ADNP: variants seen among roughly 807,000 people sequenced by gnomAD.
The protein encoded by ADNP is activity-dependent neuroprotector homeobox protein.
ADNP carries 4 observed loss-of-function variants against 84.9 expected under a neutral mutation model. That is an observed-to-expected ratio of 0.05 (90% CI 0.02 to 0.11). The LOEUF (loss-of-function observed/expected upper bound fraction) is 0.11, where lower values mean the gene tolerates loss of function less well. Among genes scored for constraint, ADNP ranks in the 10% least tolerant of loss-of-function variants. The probability of loss-of-function intolerance (pLI) is 1.00; values close to 1 mark genes in which losing one functional copy is unlikely to be tolerated. For missense variants in ADNP, 1,132 were observed against 1,326.0 expected (o/e 0.85, Z 2.27); for synonymous variants, 554 against 468.1 (o/e 1.18, Z -2.37).
At chr20:50,930,653 G>A (rs111727802) in intron 1 of ADNP, among the ~76,000 whole-genome samples, 173 bp downstream of exon 1, 85 of 152,192 alleles carry the variant, frequency 5.6e-4, no homozygotes, top group African/African-American at 1.7e-3. Flanking sequence ...CCGGGACGGG[G>A]GACCCGTCGG....
At chr20:50,896,156 C>T (rs1357162286) in intron 5 of ADNP, among the ~76,000 whole-genome samples, 1 of 152,102 alleles carries the variant, frequency 6.6e-6, no homozygotes, top group East Asian at 1.9e-4. Context: ...ATCCAGGAGG[C>T]AGAGGTTGCA....
rs1984717423 is a variant in ADNP, at chr20:50,931,052, G to A, written c.-491C>T. ...CGGCGGGCGGCGGCGGCGTCGTCGA[G>A]CGGTGCAGACAAAGGAGGGGCGGAG... is the stretch of plus-strand genomic sequence containing the variant. On this transcript the variant is annotated 5_prime_UTR_variant, in exon 1 of 6. Transcript: ENST00000621696. The A allele has an allele frequency of 6.7e-6, 1 of 149,298 alleles. No homozygotes were observed. The highest frequency in any genetic ancestry group is 6.7e-5 in the Admixed American group (1 of 14,962). The allele number at this position is 149,298 out of a possible 1,614,324, so 9.2% of individuals were successfully genotyped here.
At position 50,889,425 on chromosome 20, in the gene ADNP, C is replaced by CT. The variant is rs978097066; in HGVS notation, c.*1979dup. On this transcript the variant is annotated 3_prime_UTR_variant, in exon 6 of 6. Coordinates refer to ENST00000621696, the MANE Select transcript of ADNP (RefSeq NM_001282531.3). ...TAAGTTTTGGCTGGTGCATGTAGAA[C>CT]TTATAATCTACCTGTATAACAACAG... 6.5e-6 allele frequency: 1 copy of CT among 153,836 alleles called. No homozygotes were observed. Among genetic ancestry groups the CT allele is most frequent in the African/African-American group, 2.4e-5 (1 of 41,548 alleles). The allele number at this position is 153,836 out of a possible 1,614,324, so 9.5% of individuals were successfully genotyped here. A position where few individuals can be genotyped will look rare whatever the true frequency, so the allele number is the denominator to read the frequency against.
At position 50,891,627 on chromosome 20, in the gene ADNP, C is replaced by T; in HGVS notation, c.3087G>A (p.Lys1029=). 6.2e-7 allele frequency: 1 copy of T among 1,614,168 alleles called. No homozygotes were observed. The highest frequency in any genetic ancestry group is 8.5e-7 in the Non-Finnish European group (1 of 1,180,044). ...CTTCAACTTTTCCATAGGAACTATTCTTCCATTTCAACTGCTCTCTGTCAC... is the reference window on the plus strand; with the variant it reads ...CTTCAACTTTTCCATAGGAACTATTTTTCCATTTCAACTGCTCTCTGTCAC... The part of the protein sequence containing the change: ...MQGDREQLKW[K]NSSYGKVEGF... Residue 1029 remains lysine (K), a synonymous_variant, in exon 6 of 6, where the codon AAG becomes AAA. Transcript: ENST00000621696.
At position 50,892,779 on chromosome 20, in the gene ADNP, C is replaced by G; in HGVS notation, c.1935G>C (p.Glu645Asp). ...ISDALAHHLRERHQVIQTVHP... is the reference protein window; with the variant it reads ...ISDALAHHLRDRHQVIQTVHP... ...GAACCGTCTGAATAACTTGGTGCCT[C>G]TCTCGTAAGTGATGTGCAAGTGCAT... Residue 645 changes from glutamate to aspartate, a missense_variant, in exon 6 of 6, where the codon GAG becomes GAC. Transcript: ENST00000621696. 1 of 1,614,230 alleles carries G rather than the reference C, an allele frequency of 6.2e-7. No individual in the cohort carries two copies.
intron 5 of ADNP, among the ~76,000 whole-genome samples, chr20:50,899,182 G>A (rs1981710660): frequency 6.6e-6 from 1 of 150,770 alleles, no homozygotes; most frequent in Admixed American, 6.6e-5. Flanking sequence ...AGTATGCAAG[G>A]ATTTTGGTAA....
rs929902627 is a variant in ADNP, at chr20:50,889,885, T to G, written c.*1520A>C. 2.5e-6 allele frequency: 1 copy of G among 398,206 alleles called. No individual in the cohort carries two copies. The highest frequency in any genetic ancestry group is 4.4e-6 in the Non-Finnish European group (1 of 225,980). The allele number at this position is 398,206 out of a possible 1,614,324, so 24.7% of individuals were successfully genotyped here. A position where few individuals can be genotyped will look rare whatever the true frequency, so the allele number is the denominator to read the frequency against. Reference sequence around the variant, plus strand: ...CCCTTAATAGCAAGAGGGCCAAGAGTGGCAAATAGAGGCAGAGCCGCCTGC... The same window carrying G: ...CCCTTAATAGCAAGAGGGCCAAGAGGGGCAAATAGAGGCAGAGCCGCCTGC... On this transcript the variant is annotated 3_prime_UTR_variant, in exon 6 of 6. Transcript: ENST00000621696.
At chr20:50,907,299 C>T (rs1256815678) in intron 2 of ADNP, among the ~76,000 whole-genome samples, 1 of 145,686 alleles carries the variant, frequency 6.9e-6, no homozygotes, top group Non-Finnish European at 1.5e-5. Context: ...GAGTTTTGCT[C>T]TTGTTGCCCA....
intron 2 of ADNP, among the ~76,000 whole-genome samples, chr20:50,915,654 TCTGA>T (rs1342695897): frequency 6.6e-6 from 1 of 152,126 alleles, no homozygotes; most frequent in East Asian, 1.9e-4. Context: ...AACACGTAAT[TCTGA>T]CTATCCAGGG....
In ADNP at chr20:50,892,097, C is replaced by T. The variant is rs147299402; in HGVS notation, c.2617G>A (p.Asp873Asn). 6.2e-7 allele frequency: 1 copy of T among 1,614,134 alleles called. No homozygotes were observed. The highest frequency in any genetic ancestry group is 8.5e-7 in the Non-Finnish European group (1 of 1,180,026). ...TTTTCAAAACTGTCTGAGGAACTGT[C>T]ATCTTCCTTCCCAAGGTTGAGCTTT... is the stretch of plus-strand genomic sequence containing the variant. ...DKKLNLGKED[D>N]SSSDSFENLE... is the part of the protein sequence containing the mutation. The change falls in exon 6 of 6, where the codon GAC becomes AAC. Residue 873 changes from aspartate to asparagine, a missense_variant. By Grantham distance (23) the Asp-to-Asn change is conservative. Around this residue, in one of 10 missense-constraint regions of ADNP, gnomAD observed 381 missense variants for 319.9 expected, o/e 1.19. Coordinates refer to ENST00000621696, the MANE Select transcript of ADNP (RefSeq NM_001282531.3).
rs928897609 is a variant in ADNP, at chr20:50,931,175, C to G, written c.-614G>C. 1.4e-5 allele frequency: 2 copies of G among 147,580 alleles called. No individual in the cohort carries two copies. Among genetic ancestry groups the G allele is most frequent in the Non-Finnish European group, 3.0e-5 (2 of 66,826 alleles). 9.1% of individuals were successfully genotyped at this position (147,580 alleles called of 1,614,324 possible). On this transcript the variant is annotated 5_prime_UTR_variant, in exon 1 of 6. Coordinates refer to ENST00000621696, the MANE Select transcript of ADNP (RefSeq NM_001282531.3). ...CAGCAGCGGGGACCGAGAGAGGGAG[C>G]TGTGTCTGAGAAGACGCCAAAATCC...
intron 2 of ADNP, chr20:50,914,132 A>G: frequency 1.3e-6 from 1 of 770,496 alleles, no homozygotes; most frequent in Non-Finnish European, 2.3e-6. Context: ...GATGGTAAGG[A>G]TCATTATGAG....
At chr20:50,911,717 GA>G in intron 2 of ADNP, among the ~76,000 whole-genome samples, 1 of 151,592 alleles carries the variant, frequency 6.6e-6, no homozygotes, top group East Asian at 1.9e-4. Flanking sequence ...TTTACGGGCA[GA>G]AAAAAAGCAG....
intron 2 of ADNP, among the ~76,000 whole-genome samples, chr20:50,919,291 G>GTATATATATATATA (rs199569280): frequency 9.2e-4 from 71 of 77,200 alleles, no homozygotes; most frequent in African/African-American, 3.3e-3. Context: ...ATATTTAAGT[G>GTATATATATATATA]TATATATATA....
intron 2 of ADNP, among the ~76,000 whole-genome samples, chr20:50,906,789 C>T (rs1047852627): frequency 2.0e-5 from 3 of 151,962 alleles, no homozygotes; most frequent in Non-Finnish European, 4.4e-5. Flanking sequence ...TTATAAAAAG[C>T]GGTATTTCAG....
intron 5 of ADNP, among the ~76,000 whole-genome samples, chr20:50,896,239 A>AC (rs1395981845): frequency 1.3e-5 from 2 of 151,602 alleles, no homozygotes; most frequent in African/African-American, 4.9e-5. Context: ...ACAAACAAAA[A>AC]CCCCCAAAAC....
chr20:50,904,176 G>GAT, intron 3 of ADNP, 175 bp from the exon 4 acceptor site: 1 of 590,288 alleles, frequency 1.7e-6, no homozygotes, highest in Non-Finnish European at 3.0e-6. Context: ...CATATGGCTT[G>GAT]ATATATCCAT....
chr20:50,897,796 C>T (rs1312326082), intron 5 of ADNP, among the ~76,000 whole-genome samples: 1 of 152,130 alleles, frequency 6.6e-6, no homozygotes, highest in East Asian at 1.9e-4. Flanking sequence ...TGCTTATCAG[C>T]GACAATAAGC....
At chr20:50,908,203 C>A (rs1010106355) in intron 2 of ADNP, among the ~76,000 whole-genome samples, 1 of 141,610 alleles carries the variant, frequency 7.1e-6, no homozygotes, top group South Asian at 2.2e-4. Flanking sequence ...AAAACAAGCA[C>A]ACAATTCAGA....
Sources: gnomAD v4.1 joint callset for allele counts (sites outside exome capture counted in the v4.1 genomes callset) on GRCh38, gnomAD v4.1.1 for gene constraint, gnomAD v4.1.1 regional missense constraint, MANE v1.5 for transcripts, NCBI Gene and HGNC (gene_info 2026-07-23, HGNC 2026-07-21) for gene names.